The following CACNA1C variants were observed in gnomAD, a reference collection of about 807,000 sequenced individuals.
CACNA1C encodes the protein voltage-dependent L-type calcium channel subunit alpha-1C.
Under a neutral mutation model 229.0 loss-of-function variants are expected in CACNA1C, and 30 were observed. The observed-to-expected ratio is 0.13, with a 90% CI of 0.10 to 0.18. The LOEUF (loss-of-function observed/expected upper bound fraction) is 0.18. Among genes scored for constraint, CACNA1C ranks in the 10% least tolerant of loss-of-function variants. The pLI is 1.00. For missense variants in CACNA1C, 1,658 were observed against 2,845.0 expected (o/e 0.58, Z 9.49); for synonymous variants, 1,114 against 1,132.5 (o/e 0.98, Z 0.33).
intron 1 of CACNA1C, among the ~76,000 whole-genome samples, chr12:2,112,085 G>A (rs2154131065): frequency 6.6e-6 from 1 of 152,322 alleles, no homozygotes; most frequent in East Asian, 1.9e-4. Flanking sequence ...TGAGGAGGCA[G>A]GGGTAGAGTC....
chr12:2,025,696 C>T (rs1182382574), intron 1 of CACNA1C, among the ~76,000 whole-genome samples: 1 of 152,184 alleles, frequency 6.6e-6, no homozygotes, highest in Non-Finnish European at 1.5e-5. Context: ...ACCTAAAATA[C>T]CAGCCTTGGG....
intron 1 of CACNA1C, among the ~76,000 whole-genome samples, chr12:2,087,726 G>C (rs1026738775): frequency 6.6e-6 from 1 of 152,218 alleles, no homozygotes; most frequent in Non-Finnish European, 1.5e-5. Flanking sequence ...CATCTCAGAA[G>C]GCTTTGCAGT....
intron 3 of CACNA1C, among the ~76,000 whole-genome samples, chr12:2,194,109 C>CCTCCTCCTG (rs577842621): frequency 1.6e-3 from 250 of 152,176 alleles, no homozygotes; most frequent in Non-Finnish European, 3.0e-3. Context: ...GCCCCGTCCT[C>CCTCCTCCTG]CTCCTCCTGC....
chr12:2,611,510 G>GGGAGAGGGGAGGAGAT (rs1448916148), intron 28 of CACNA1C, among the ~76,000 whole-genome samples: 8 of 150,470 alleles, frequency 5.3e-5, no homozygotes, highest in African/African-American at 2.0e-4. Flanking sequence ...TTGATAAGTG[G>GGGAGAGGGGAGGAGAT]GGAGAGGGGA....
At chr12:2,481,824 A>G (rs368842253) in intron 5 of CACNA1C, among the ~76,000 whole-genome samples, 8 of 152,372 alleles carry the variant, frequency 5.3e-5, no homozygotes, top group African/African-American at 1.9e-4. Context: ...GCGTGGGCCA[A>G]TAGTGATCTT....
chr12:2,346,153 C>T lies in CACNA1C; in HGVS notation c.478-102823C>T, dbSNP rs1262140028. Among the ~76,000 whole-genome samples the T allele has an allele frequency of 6.6e-6, 1 of 152,052 alleles. No homozygotes were observed. Among genetic ancestry groups the T allele is most frequent in the Non-Finnish European group, 1.5e-5 (1 of 67,990 alleles). ...CCTGGATCCGCTGCAAGGTGATAGC[C>T]GTGGCTTGGTTGTCTGTGGGTGGAG... On this transcript the variant is annotated intron_variant, in intron 3 of 46. Coordinates refer to ENST00000399655, the MANE Select transcript of CACNA1C (RefSeq NM_000719.7). The surrounding 1 kb of genome is among the most constrained non-coding windows in gnomAD (Gnocchi z 4.4).
At chr12:2,252,630 A>G (rs1431302540) in intron 3 of CACNA1C, among the ~76,000 whole-genome samples, 1 of 152,230 alleles carries the variant, frequency 6.6e-6, no homozygotes, top group Non-Finnish European at 1.5e-5. Context: ...TAGGTGGTAG[A>G]GGCCTGGTGG....
At chr12:2,058,916 C>G (rs1340435767) in intron 1 of CACNA1C, among the ~76,000 whole-genome samples, 1 of 152,158 alleles carries the variant, frequency 6.6e-6, no homozygotes, top group East Asian at 1.9e-4. Context: ...CTTATTTGCT[C>G]AAGACCAGGC....
At position 2,688,599 on chromosome 12, in the gene CACNA1C, C is replaced by T. The variant is rs1200922725; in HGVS notation, c.5937C>T (p.Ser1979=). The part of the protein sequence containing the change: ...VPTLRLEGVE[S]SEKLNSSFPS... ...CCCTGCGGCTTGAGGGGGTCGAGTCCAGTGAGAAACTCAACAGCAGCTTCC... is the reference window on the plus strand; with the variant it reads ...CCCTGCGGCTTGAGGGGGTCGAGTCTAGTGAGAAACTCAACAGCAGCTTCC... Residue 1979 remains serine, a synonymous_variant, in exon 46 of 47, where the codon TCC becomes TCT. Transcript: ENST00000399655. The T allele has an allele frequency of 6.2e-7, 1 of 1,613,998 alleles. No homozygotes were observed. The highest frequency in any genetic ancestry group is 1.1e-5 in the South Asian group (1 of 91,080).
intron 3 of CACNA1C, among the ~76,000 whole-genome samples, chr12:2,441,190 A>G (rs560214224): frequency 4.6e-5 from 7 of 152,280 alleles, no homozygotes; most frequent in East Asian, 1.9e-4. Flanking sequence ...GTACATTTAC[A>G]TAAATCTAGG....
At position 2,677,058 on chromosome 12, in the gene CACNA1C, C is replaced by G; in HGVS notation, c.4829-36C>G. The G allele has an allele frequency of 1.3e-6, 2 of 1,586,310 alleles. No individual in the cohort carries two copies. Among genetic ancestry groups the G allele is most frequent in the Non-Finnish European group, 8.6e-7 (1 of 1,158,308 alleles). ...GAAGTTCAACTGAATTCCCCTGCTC[C>G]CCTCTTACCCCCTCTCCCCTCTCCA... On this transcript the variant is annotated intron_variant, in intron 39 of 46. Transcript: ENST00000399655. This position sits in a 1 kb window ranked among gnomAD's most constrained non-coding sequence, Gnocchi z 7.4.
chr12:2,497,969 TCACACA>T lies in CACNA1C; in HGVS notation c.1113+4612_1113+4617del, dbSNP rs3058710. ...TGCGGAGAAGGTATTTCTATTAAAT[TCACACA>T]CACACACACACACACACACACACAC... On this transcript the variant is annotated intron_variant, in intron 7 of 46. Transcript: ENST00000399655. Among the ~76,000 whole-genome samples the T allele has an allele frequency of 2.5e-3, 362 of 144,008 alleles. 1 individual carries two copies. Among genetic ancestry groups the T allele is most frequent in the African/African-American group, 7.2e-3 (283 of 39,408 alleles). 94.5% of individuals were successfully genotyped at this position (144,008 alleles called of 152,430 possible).
chr12:2,647,064 G>A lies in CACNA1C; in HGVS notation c.3913-1411G>A, dbSNP rs1487581056. Among the ~76,000 whole-genome samples the A allele has an allele frequency of 1.3e-5, 2 of 151,756 alleles. No individual in the cohort carries two copies. Among genetic ancestry groups the A allele is most frequent in the East Asian group, 3.9e-4 (2 of 5,158 alleles). ...TACCAACTAGCTATGAAAAAAAAAA[G>A]AATTTGCTGAGAAATCTGTTACCCA... On this transcript the variant is annotated intron_variant, in intron 30 of 46. Coordinates refer to ENST00000399655, the MANE Select transcript of CACNA1C (RefSeq NM_000719.7). The surrounding 1 kb of genome is among the most constrained non-coding windows in gnomAD (Gnocchi z 4.2).
At chr12:2,174,287 C>T (rs2096582331) in intron 3 of CACNA1C, among the ~76,000 whole-genome samples, 1 of 152,028 alleles carries the variant, frequency 6.6e-6, no homozygotes, top group Admixed American at 6.6e-5. Flanking sequence ...AAAGCAAGTC[C>T]CTATAGTCAT....
intron 3 of CACNA1C, among the ~76,000 whole-genome samples, chr12:2,281,317 G>T (rs1232811761): frequency 6.6e-6 from 1 of 152,016 alleles, no homozygotes; most frequent in African/African-American, 2.4e-5. Context: ...GGCAGTCAAT[G>T]ATCTTTTCAA....
chr12:2,658,522 A>G (rs988542944), intron 34 of CACNA1C, among the ~76,000 whole-genome samples: 6 of 152,218 alleles, frequency 3.9e-5, no homozygotes, highest in Non-Finnish European at 5.9e-5. Context: ...ACAATTATGT[A>G]CAGTACATAA....
rs1279428353 is a variant in CACNA1C, at chr12:2,067,815, C to T, written c.49+14204C>T. Among the ~76,000 whole-genome samples, 1 of 152,146 alleles carries T rather than the reference C, an allele frequency of 6.6e-6. No homozygotes were observed. Among genetic ancestry groups the T allele is most frequent in the Admixed American group, 6.5e-5 (1 of 15,270 alleles). On this transcript the variant is annotated intron_variant, in intron 1 of 46. Coordinates refer to ENST00000399655, the MANE Select transcript of CACNA1C (RefSeq NM_000719.7). This position sits in a 1 kb window ranked among gnomAD's most constrained non-coding sequence, Gnocchi z 5.3. The stretch of plus-strand genomic sequence containing the variant: ...CAAGTGCCAACCTCAGCGCACTCAC[C>T]TGGAGAATACTTACCTTCACACTGT...
intron 1 of CACNA1C, among the ~76,000 whole-genome samples, chr12:1,994,778 T>C (rs189889486): frequency 2.6e-5 from 4 of 152,352 alleles, no homozygotes; most frequent in Admixed American, 2.0e-4. Context: ...TCTTTAATAG[T>C]ACAGCTACTA....
At chr12:2,159,823 C>A (rs564763258) in intron 3 of CACNA1C, among the ~76,000 whole-genome samples, 44 of 152,210 alleles carry the variant, frequency 2.9e-4, no homozygotes, top group African/African-American at 9.6e-4. Context: ...AGGCTGGTAG[C>A]GAACTCCTGA....
Sources: allele counts gnomAD v4.1 joint callset (sites outside exome capture counted in the v4.1 genomes callset), GRCh38; gene constraint gnomAD v4.1.1; non-coding constraint Gnocchi (gnomAD v3.1); transcripts MANE v1.5; gene names NCBI Gene and HGNC (gene_info 2026-07-23, HGNC 2026-07-21).